FZD6: variants seen among roughly 807,000 people sequenced by gnomAD.
FZD6 encodes the protein frizzled class receptor 6.
In FZD6, 49 loss-of-function variants were observed where a neutral mutation model predicts 61.4. The ratio of observed to expected loss-of-function variants is 0.80; its 90% CI spans 0.63 to 1.01. The LOEUF (loss-of-function observed/expected upper bound fraction) is 1.01. Ranked by LOEUF, FZD6 falls within the 50% of genes least tolerant of loss-of-function variation. FZD6 has a pLI of 0.00. For synonymous variants in FZD6, 265 were observed against 292.2 expected, an observed-to-expected ratio of 0.91 and a Z score of 0.95; for missense variants, 724 against 848.2, an observed-to-expected ratio of 0.85 and a Z score of 1.82.
chr8:103,305,485 G>C (rs1814304827), intron 2 of FZD6, among the ~76,000 whole-genome samples: 1 of 152,142 alleles, frequency 6.6e-6, no homozygotes, highest in African/African-American at 2.4e-5. Flanking sequence ...CCTGCTTTTA[G>C]AAGAGTCCAG....
intron 2 of FZD6, among the ~76,000 whole-genome samples, chr8:103,305,781 T>C (rs1814313381): frequency 6.6e-6 from 1 of 152,224 alleles, no homozygotes; most frequent in Admixed American, 6.5e-5. Context: ...GACTCCTTCT[T>C]TTGAAACTGC....
At chr8:103,299,187 G>T (rs182414246) in intron 1 of FZD6, among the ~76,000 whole-genome samples, 192 bp downstream of exon 1, 1 of 152,110 alleles carries the variant, frequency 6.6e-6, no homozygotes, top group Non-Finnish European at 1.5e-5. Flanking sequence ...GGCGATGCCG[G>T]GGCCCCGCGG....
intron 2 of FZD6, among the ~76,000 whole-genome samples, chr8:103,305,359 T>G (rs1814301015): frequency 1.3e-5 from 2 of 152,228 alleles, no homozygotes; most frequent in South Asian, 2.1e-4. Context: ...CCTGTTAATA[T>G]GTGCTGTTAG....
chr8:103,312,268 T>C (rs1586510471), intron 2 of FZD6, among the ~76,000 whole-genome samples: 1 of 152,220 alleles, frequency 6.6e-6, no homozygotes, highest in Non-Finnish European at 1.5e-5. Context: ...GTTTTAGTTA[T>C]TGAATGGTAG....
intron 2 of FZD6, chr8:103,307,990 G>A: frequency 2.2e-6 from 1 of 455,108 alleles, no homozygotes. Flanking sequence ...GGTTGATCCT[G>A]CTGGAACATG....
chr8:103,325,339 G>T lies in FZD6; in HGVS notation c.1233G>T (p.Lys411Asn). 1.2e-6 allele frequency: 2 copies of T among 1,614,108 alleles called. No homozygotes were observed. The highest frequency in any genetic ancestry group is 1.7e-6 in the Non-Finnish European group (2 of 1,179,998). Residue 411 changes from lysine (K) to asparagine (N), a missense_variant, in exon 4 of 7, where the codon AAG becomes AAT. Transcript: ENST00000358755. ...QHDGRNQEKLKKFMIRIGVFS... is the reference protein window; with the variant it reads ...QHDGRNQEKLNKFMIRIGVFS... ...ATGGCCGGAACCAAGAAAAACTAAA[G>T]AAATTTATGATTCGAATTGGAGTCT... is the stretch of plus-strand genomic sequence containing the variant.
intron 3 of FZD6, among the ~76,000 whole-genome samples, chr8:103,321,774 T>G (rs1395653523): frequency 6.6e-6 from 1 of 152,206 alleles, no homozygotes; most frequent in Non-Finnish European, 1.5e-5. Flanking sequence ...CAGTTCCGGC[T>G]CCAGCCATCC....
chr8:103,320,306 G>T (rs1273756106), intron 3 of FZD6, among the ~76,000 whole-genome samples: 1 of 152,098 alleles, frequency 6.6e-6, no homozygotes, highest in Non-Finnish European at 1.5e-5. Flanking sequence ...GGTAAATCAG[G>T]CGATCCTGAA....
chr8:103,323,500 G>A (rs978064888), intron 3 of FZD6, among the ~76,000 whole-genome samples: 2 of 150,528 alleles, frequency 1.3e-5, no homozygotes, highest in African/African-American at 4.9e-5. Flanking sequence ...GCTCGGTCTT[G>A]TCTCACTGCA....
At position 103,331,730 on chromosome 8, in the gene FZD6, T is replaced by C. The variant is rs1815141047; in HGVS notation, c.*221T>C. On this transcript the variant is annotated 3_prime_UTR_variant, in exon 7 of 7. Coordinates refer to ENST00000358755, the MANE Select transcript of FZD6 (RefSeq NM_003506.4). The stretch of plus-strand genomic sequence containing the variant: ...AAACAGAAAATGTGCAGGTTAATAA[T>C]ATTTTTTTAATAGTGTGGGAGGACA... 3 of 491,606 alleles carry C rather than the reference T, an allele frequency of 6.1e-6. No individual in the cohort carries two copies. Among genetic ancestry groups the C allele is most frequent in the Non-Finnish European group, 1.1e-5 (3 of 271,576 alleles). The allele number at this position is 491,606 out of a possible 1,614,324, so 30.5% of individuals were successfully genotyped here. A position where few individuals can be genotyped will look rare whatever the true frequency, so the allele number is the denominator to read the frequency against.
rs547608082 is a variant in FZD6, at chr8:103,301,987, A to G, written c.177+1703A>G. 1.7e-4 allele frequency among the ~76,000 whole-genome samples: 26 copies of G among 152,050 alleles called. No individual in the cohort carries two copies. The East Asian group carries it at 3.9e-3, about 23-fold the overall frequency. ...TGCTAATACTACCAATCTCTTCATT[A>G]TATAATTTTCCACTTATAACTAACC... On this transcript the variant is annotated intron_variant, in intron 2 of 6. Transcript: ENST00000358755.
intron 5 of FZD6, among the ~76,000 whole-genome samples, chr8:103,329,411 C>CTTT (rs77827018): frequency 0.93 from 141,637 of 151,886 alleles, 66,094 homozygotes; most frequent in East Asian, 0.99. Flanking sequence ...TGATTCTTGC[C>CTTT]TTAATTTCTT....
rs1048279178 is a variant in FZD6 at position 103,324,713 on chromosome 8, G to A, written c.607G>A (p.Gly203Arg). The A allele has an allele frequency of 1.2e-6, 2 of 1,613,808 alleles. No individual in the cohort carries two copies. Among genetic ancestry groups the A allele is most frequent in the African/African-American group, 2.7e-5 (2 of 74,892 alleles). Reference protein sequence around the residue: ...DELEFAKSFIGTVSIFCLCAT... With the variant: ...DELEFAKSFIRTVSIFCLCAT... ...GCTAGAGTTTGCAAAAAGTTTTATT[G>A]GAACAGTTTCAATATTTTGTCTTTG... The change falls in exon 4 of 7, where the codon GGA becomes AGA. Residue 203 changes from glycine (G) to arginine (R), a missense_variant. By Grantham distance (125) the Gly-to-Arg change is moderately radical. Coordinates refer to ENST00000358755, the MANE Select transcript of FZD6 (RefSeq NM_003506.4).
At chr8:103,317,106 C>T (rs1394298040) in intron 2 of FZD6, among the ~76,000 whole-genome samples, 2 of 152,150 alleles carry the variant, frequency 1.3e-5, no homozygotes, top group Non-Finnish European at 2.9e-5. Flanking sequence ...GCAGGAATGC[C>T]TCTTTGAGGT....
rs1456477348 is a variant in FZD6 at position 103,332,122 on chromosome 8, A to AT, written c.*614dup. 2.6e-5 allele frequency: 4 copies of AT among 152,826 alleles called. No homozygotes were observed. In the East Asian group the frequency reaches 7.7e-4, roughly 29 times the overall value. The allele number at this position is 152,826 out of a possible 1,614,324, so 9.5% of individuals were successfully genotyped here. On this transcript the variant is annotated 3_prime_UTR_variant, in exon 7 of 7. Transcript: ENST00000358755. ...AAAACCCACTTATTGATACCTTACC[A>AT]TCTAAAATGTGTGATTTTTATAGTC...
At chr8:103,331,237 T>C in intron 6 of FZD6, 104 bp from the exon 7 acceptor site, 1 of 831,062 alleles carries the variant, frequency 1.2e-6, no homozygotes, top group Non-Finnish European at 2.1e-6. Context: ...TAGCTATTTA[T>C]TCTCTGATAA....
chr8:103,305,427 GA>G (rs1294375273), intron 2 of FZD6, among the ~76,000 whole-genome samples: 1 of 152,140 alleles, frequency 6.6e-6, no homozygotes, highest in Non-Finnish European at 1.5e-5. Context: ...GACTTTTAAG[GA>G]AAATATCTAT....
intron 2 of FZD6, among the ~76,000 whole-genome samples, chr8:103,307,548 A>G (rs542152936): frequency 7.9e-5 from 12 of 152,296 alleles, no homozygotes; most frequent in African/African-American, 2.4e-4. Context: ...CTTTTTGACA[A>G]AGGCTTATTT....
chr8:103,324,473 C>G lies in FZD6; in HGVS notation c.375-8C>G, dbSNP rs1011135881. The G allele has an allele frequency of 6.8e-7, 1 of 1,477,304 alleles. No homozygotes were observed. The highest frequency in any genetic ancestry group is 1.4e-5 in the African/African-American group (1 of 71,202). The allele number at this position is 1,477,304 out of a possible 1,614,324, so 91.5% of individuals were successfully genotyped here. A position where few individuals can be genotyped will look rare whatever the true frequency, so the allele number is the denominator to read the frequency against. ...ATTTCATATATTTAATTTTTATAAT[C>G]TTTACAGATTACAATACTGTGATGA... On this transcript the variant is annotated splice_polypyrimidine_tract_variant and splice_region_variant and intron_variant, in intron 3 of 6. Transcript: ENST00000358755.
Sources: gnomAD v4.1 joint callset for allele counts (sites outside exome capture counted in the v4.1 genomes callset) on GRCh38, gnomAD v4.1.1 for gene constraint, MANE v1.5 for transcripts, NCBI Gene and HGNC (gene_info 2026-07-23, HGNC 2026-07-21) for gene names.